Variants in DYNC2H1 observed in about 807,000 individuals in gnomAD.
DYNC2H1 encodes the protein cytoplasmic dynein 2 heavy chain 1.
Under a neutral mutation model 570.0 loss-of-function variants are expected in DYNC2H1, and 410 were observed. The ratio of observed to expected loss-of-function variants is 0.72; its 90% CI spans 0.66 to 0.78. DYNC2H1 has a LOEUF of 0.78. Among genes scored for constraint, DYNC2H1 ranks in the 30% least tolerant of loss-of-function variants. The probability of loss-of-function intolerance (pLI) is 0.00; values close to 1 mark genes in which losing one functional copy is unlikely to be tolerated. For synonymous variants in DYNC2H1, 1,688 were observed against 1,677.6 expected (o/e 1.01, Z -0.15); for missense variants, 4,865 against 5,046.4 (o/e 0.96, Z 1.09).
At chr11:103,348,130 GA>G (rs563952271) in intron 82 of DYNC2H1, among the ~76,000 whole-genome samples, 159 of 152,256 alleles carry the variant, frequency 1.0e-3, no homozygotes, top group African/African-American at 3.6e-3. Flanking sequence ...AAAGGTGATA[GA>G]AAAGCCATAG....
intron 59 of DYNC2H1, among the ~76,000 whole-genome samples, chr11:103,227,608 T>C (rs1863849817): frequency 1.3e-5 from 2 of 152,182 alleles, no homozygotes; most frequent in Admixed American, 1.3e-4. Flanking sequence ...TGTCATATGG[T>C]CTATTTTGGA....
chr11:103,283,201 T>C (rs559264425), intron 73 of DYNC2H1, 116 bp downstream of exon 73: 2 of 685,926 alleles, frequency 2.9e-6, no homozygotes, highest in African/African-American at 3.7e-5. Flanking sequence ...AGGATGTAAG[T>C]TCCCCCAGTA....
intron 60 of DYNC2H1, 111 bp downstream of exon 60, chr11:103,231,457 T>C: frequency 5.0e-6 from 3 of 604,866 alleles, no homozygotes; most frequent in Non-Finnish European, 8.4e-6. Context: ...TGTCAGATGA[T>C]GCTGTGGGAC....
In DYNC2H1 at chr11:103,245,318, T is replaced by C. The variant is rs765115556; in HGVS notation, c.9986T>C (p.Met3329Thr). 3.8e-6 allele frequency: 6 copies of C among 1,572,260 alleles called. No individual in the cohort carries two copies. The highest frequency in any genetic ancestry group is 5.2e-6 in the Non-Finnish European group (6 of 1,157,580). The change falls in exon 65 of 89, where the codon ATG becomes ACG. Residue 3329 changes from methionine to threonine, a missense_variant. By Grantham distance (81) the Met-to-Thr change is moderately conservative. Transcript: ENST00000375735. This position sits in a 1 kb window ranked among gnomAD's most constrained non-coding sequence, Gnocchi z 4.5. ...GGGAAAACCCTTATTATACAAGAGA[T>C]GGATGGTGTAGAACCTGTTCTTTAT... is the stretch of plus-strand genomic sequence containing the variant. ...RFGKTLIIQE[M>T]DGVEPVLYPL...
intron 52 of DYNC2H1, among the ~76,000 whole-genome samples, chr11:103,206,317 G>A (rs761202655): frequency 1.3e-5 from 2 of 152,092 alleles, no homozygotes; most frequent in African/African-American, 2.4e-5. Flanking sequence ...AGACTATGAG[G>A]CCTTCAGTTT....
At chr11:103,471,035 G>A (rs1444189350) in intron 88 of DYNC2H1, among the ~76,000 whole-genome samples, 2 of 152,150 alleles carry the variant, frequency 1.3e-5, no homozygotes, top group Non-Finnish European at 2.9e-5. Flanking sequence ...CCCACCAACA[G>A]TGTAAAAGCA....
Position 103,311,858 on chromosome 11 carries a change from T to C in DYNC2H1, c.11494-20T>C, listed in dbSNP as rs568219439. The C allele has an allele frequency of 6.3e-6, 10 of 1,592,970 alleles. No homozygotes were observed. In the Admixed American group the frequency reaches 1.8e-4, roughly 28 times the overall value. On this transcript the variant is annotated intron_variant, in intron 78 of 88. Coordinates refer to ENST00000375735, the MANE Select transcript of DYNC2H1 (RefSeq NM_001377.3). ...CTTGTAGGATTTTAGCAATAGGATG[T>C]CTGTTGATTTTTTTTCTAGTCACCT...
At chr11:103,259,818 G>A (rs1023818025) in intron 69 of DYNC2H1, 70 bp from the exon 70 acceptor site, 16 of 1,058,986 alleles carry the variant, frequency 1.5e-5, no homozygotes, top group East Asian at 2.8e-5. Context: ...TGAATCTGGA[G>A]GAACAATTTA....
chr11:103,197,622 A>AT (rs1404695025), intron 47 of DYNC2H1, among the ~76,000 whole-genome samples: 1 of 151,878 alleles, frequency 6.6e-6, no homozygotes, highest in East Asian at 1.9e-4. Context: ...TAATTTTTAA[A>AT]TTTTTTATAG....
At chr11:103,370,831 A>G (rs551608163) in intron 83 of DYNC2H1, among the ~76,000 whole-genome samples, 1 of 152,278 alleles carries the variant, frequency 6.6e-6, no homozygotes, top group South Asian at 2.1e-4. Context: ...AAATATCTGG[A>G]AAGCCTTTCT....
intron 83 of DYNC2H1, among the ~76,000 whole-genome samples, chr11:103,399,047 C>T (rs4754928): frequency 0.51 from 77,412 of 151,554 alleles, 20,082 homozygotes; most frequent in African/African-American, 0.62. Context: ...CATTGACTTA[C>T]GGGATGCCAT....
In DYNC2H1 at chr11:103,455,276, C is replaced by T. The variant is rs1944748642; in HGVS notation, c.12547C>T (p.Leu4183Phe). The T allele has an allele frequency of 2.5e-6, 4 of 1,613,278 alleles. No individual in the cohort carries two copies. Among genetic ancestry groups the T allele is most frequent in the Non-Finnish European group, 3.4e-6 (4 of 1,179,446 alleles). Residue 4183 changes from leucine (L) to phenylalanine (F), a missense_variant, in exon 86 of 89, where the codon CTT becomes TTT. This residue lies in a region of DYNC2H1 where 2,401 missense variants were observed against 2,454.6 expected (regional missense o/e 0.98). Transcript: ENST00000375735. The part of the protein sequence containing the change: ...LFHPDTFLNA[L>F]RQETARAVGR... ...CCATCCAGACACATTTCTTAATGCTCTTCGCCAGGAAACTGCAAGGTAATT... is the reference window on the plus strand; with the variant it reads ...CCATCCAGACACATTTCTTAATGCTTTTCGCCAGGAAACTGCAAGGTAATT...
intron 88 of DYNC2H1, among the ~76,000 whole-genome samples, chr11:103,469,648 A>T (rs7932706): frequency 0.07 from 10,596 of 152,244 alleles, 442 homozygotes; most frequent in Non-Finnish European, 0.094. Flanking sequence ...GACCTAAAAG[A>T]GCATATGTTT....
chr11:103,433,341 T>G (rs2135746866), intron 84 of DYNC2H1, among the ~76,000 whole-genome samples: 1 of 152,266 alleles, frequency 6.6e-6, no homozygotes, highest in Middle Eastern at 3.4e-3. Flanking sequence ...AAACATCTAT[T>G]GAATTAATGT....
rs780518509 is a variant in DYNC2H1, at chr11:103,129,035, A to G, written c.1953+30A>G. On this transcript the variant is annotated intron_variant, in intron 13 of 88. Coordinates refer to ENST00000375735, the MANE Select transcript of DYNC2H1 (RefSeq NM_001377.3). This position sits in a 1 kb window ranked among gnomAD's most constrained non-coding sequence, Gnocchi z 4.1. ...ATGGGCTTTTAATTTTATTATAATT[A>G]GATTTTACATGTGAAGTGTTTAATT... is the stretch of plus-strand genomic sequence containing the variant. The G allele has an allele frequency of 1.5e-5, 23 of 1,533,904 alleles. No individual in the cohort carries two copies. The Admixed American group carries it at 2.0e-4, about 13-fold the overall frequency.
At chr11:103,393,628 T>C (rs1942266627) in intron 83 of DYNC2H1, among the ~76,000 whole-genome samples, 1 of 152,232 alleles carries the variant, frequency 6.6e-6, no homozygotes, top group African/African-American at 2.4e-5. Flanking sequence ...AGGTTTCTCC[T>C]GATTTTTCTT....
At chr11:103,443,788 T>TC (rs1393056851) in intron 85 of DYNC2H1, among the ~76,000 whole-genome samples, 3 of 151,924 alleles carry the variant, frequency 2.0e-5, no homozygotes, top group Admixed American at 1.3e-4. Flanking sequence ...TTTATTTTTT[T>TC]CTCTCCTTTG....
chr11:103,182,697 T>A lies in DYNC2H1; in HGVS notation c.6477+811T>A, dbSNP rs535546150. 1.3e-4 allele frequency among the ~76,000 whole-genome samples: 20 copies of A among 152,040 alleles called. No homozygotes were observed. The South Asian group carries it at 1.9e-3, about 14-fold the overall frequency. ...GTGGAGGGTGTTCAGATATTCTACA[T>A]GTTTATGCCATTGCTTTTATGAAAA... On this transcript the variant is annotated intron_variant, in intron 40 of 88. Transcript: ENST00000375735.
intron 60 of DYNC2H1, 27 bp downstream of exon 60, chr11:103,231,373 G>C (rs374228290): frequency 1.2e-4 from 175 of 1,456,190 alleles, no homozygotes; most frequent in Non-Finnish European, 1.6e-4. Context: ...AGTGTATTTT[G>C]GATAATGCTG....
Sources: allele counts gnomAD v4.1 joint callset (sites outside exome capture counted in the v4.1 genomes callset), GRCh38; gene constraint gnomAD v4.1.1; regional missense constraint gnomAD v4.1.1; non-coding constraint Gnocchi (gnomAD v3.1); transcripts MANE v1.5; gene names NCBI Gene and HGNC (gene_info 2026-07-23, HGNC 2026-07-21).